STIL: variants seen among roughly 807,000 people sequenced by gnomAD.
STIL encodes SCL-interrupting locus protein.
Under a neutral mutation model 110.1 loss-of-function variants are expected in STIL, and 55 were observed. The observed-to-expected ratio is 0.50, with a 90% CI of 0.40 to 0.63. STIL has a LOEUF of 0.63. Among genes scored for constraint, STIL ranks in the 20% least tolerant of loss-of-function variants. The pLI is 0.00. For missense variants in STIL, 1,358 were observed against 1,530.0 expected, an observed-to-expected ratio of 0.89 and a Z score of 1.87; for synonymous variants, 481 against 530.0, an observed-to-expected ratio of 0.91 and a Z score of 1.27.
At chr1:47,287,267 G>A (rs932857810) in intron 10 of STIL, among the ~76,000 whole-genome samples, 1 of 151,962 alleles carries the variant, frequency 6.6e-6, no homozygotes, top group African/African-American at 2.4e-5. Flanking sequence ...ACAAAACAGG[G>A]AGCAGATTCT....
At chr1:47,256,634 A>T (rs1466284276) in intron 16 of STIL, among the ~76,000 whole-genome samples, 17 of 150,304 alleles carry the variant, frequency 1.1e-4, no homozygotes, top group Non-Finnish European at 1.9e-4. Flanking sequence ...AAAAAAAAAA[A>T]AAAAATCTTG....
At chr1:47,264,696 G>C (rs1249898962) in intron 14 of STIL, among the ~76,000 whole-genome samples, 1 of 152,164 alleles carries the variant, frequency 6.6e-6, no homozygotes, top group East Asian at 1.9e-4. Flanking sequence ...ATACTCAGCA[G>C]TGGGAACCAG....
Position 47,303,421 on chromosome 1 carries a change from C to T in STIL, c.153-1075G>A. ...CTCTACCAAATACAAAAAAATTAGC[C>T]AGGCGTGGTGGCACATGTCTGTAAT... On this transcript the variant is annotated intron_variant, in intron 3 of 16. Transcript: ENST00000371877. 1.3e-5 allele frequency among the ~76,000 whole-genome samples: 2 copies of T among 152,184 alleles called. 1 individual carries two copies. Among genetic ancestry groups the T allele is most frequent in the East Asian group, 3.9e-4 (2 of 5,180 alleles).
chr1:47,293,206 T>C lies in STIL; in HGVS notation c.872+252A>G, dbSNP rs577950694. On this transcript the variant is annotated intron_variant, in intron 8 of 16. Transcript: ENST00000371877. Reference sequence around the variant, plus strand: ...CAGTAGACAATCTCCACAGTTTTTTTCCACCCCCAAAAGGTTTGTGTTCTG... The same window carrying C: ...CAGTAGACAATCTCCACAGTTTTTTCCCACCCCCAAAAGGTTTGTGTTCTG... Among the ~76,000 whole-genome samples, 453 of 152,308 alleles carry C rather than the reference T, an allele frequency of 3.0e-3. 21 individuals carry two copies. In the South Asian group the frequency reaches 0.089, roughly 30 times the overall value.
intron 12 of STIL, among the ~76,000 whole-genome samples, chr1:47,272,448 A>AT (rs60685133): frequency 2.3e-3 from 341 of 146,034 alleles, no homozygotes; most frequent in East Asian, 7.8e-3. Context: ...TAAGTATACT[A>AT]TTTTTTTTTT....
At chr1:47,290,906 T>C (rs1570216943) in intron 8 of STIL, among the ~76,000 whole-genome samples, 1 of 152,238 alleles carries the variant, frequency 6.6e-6, no homozygotes, top group Non-Finnish European at 1.5e-5. Flanking sequence ...CCTTCACTCC[T>C]CTCTAGCTAC....
intron 16 of STIL, among the ~76,000 whole-genome samples, chr1:47,257,425 T>A (rs530124187): frequency 3.3e-5 from 5 of 151,986 alleles, no homozygotes; most frequent in African/African-American, 1.2e-4. Flanking sequence ...AGCCCAGGAG[T>A]TTGAGGTTAC....
At position 47,254,180 on chromosome 1, in the gene STIL, C is replaced by CAAAAAA. The variant is rs59259774; in HGVS notation, c.3081-2264_3081-2259dup. 4.6e-4 allele frequency among the ~76,000 whole-genome samples: 28 copies of CAAAAAA among 61,418 alleles called. 1 individual carries two copies. Among genetic ancestry groups the CAAAAAA allele is most frequent in the African/African-American group, 1.0e-3 (18 of 17,308 alleles). 40.3% of individuals were successfully genotyped at this position (61,418 alleles called of 152,430 possible). A position where few individuals can be genotyped will look rare whatever the true frequency, so the allele number is the denominator to read the frequency against. ...TAGGTGACAGAGTGAGACTCTGTCT[C>CAAAAAA]AAAAAAAAAAAAAAAAAAAAAAAAA... On this transcript the variant is annotated intron_variant, in intron 16 of 16. Coordinates refer to ENST00000371877, the MANE Select transcript of STIL (RefSeq NM_001048166.1).
chr1:47,261,315 A>G (rs1644477905), intron 15 of STIL, among the ~76,000 whole-genome samples: 1 of 150,016 alleles, frequency 6.7e-6, no homozygotes, highest in African/African-American at 2.5e-5. Context: ...TTGAACCCAG[A>G]AGGCCCAGGT....
At chr1:47,285,685 C>T (rs563028081) in intron 10 of STIL, among the ~76,000 whole-genome samples, 6 of 150,208 alleles carry the variant, frequency 4.0e-5, no homozygotes, top group South Asian at 2.1e-4. Flanking sequence ...CTCCAAGTCC[C>T]GAGACTCAGG....
At chr1:47,255,582 C>T (rs180971069) in intron 16 of STIL, among the ~76,000 whole-genome samples, 5 of 148,960 alleles carry the variant, frequency 3.4e-5, no homozygotes, top group Admixed American at 3.3e-4. Flanking sequence ...AACTTTGATT[C>T]ATGATCCTAT....
intron 8 of STIL, among the ~76,000 whole-genome samples, chr1:47,292,653 G>C (rs1056591755): frequency 6.6e-6 from 1 of 152,198 alleles, no homozygotes; most frequent in African/African-American, 2.4e-5. Flanking sequence ...AATTTTTACA[G>C]GCCAGGAAAA....
intron 15 of STIL, among the ~76,000 whole-genome samples, chr1:47,261,206 G>A (rs1344704843): frequency 1.3e-5 from 2 of 151,712 alleles, no homozygotes; most frequent in Non-Finnish European, 2.9e-5. Context: ...TAGCCAACAT[G>A]GTGAAACCCT....
At chr1:47,289,351 A>T in intron 9 of STIL, 84 bp downstream of exon 9, 1 of 1,052,856 alleles carries the variant, frequency 9.5e-7, no homozygotes, top group African/African-American at 1.6e-5. Context: ...TTACTATTTT[A>T]AAGGGTAAAA....
chr1:47,267,919 G>T lies in STIL; in HGVS notation c.2615+1716C>A, dbSNP rs74227933. 5.2e-3 allele frequency among the ~76,000 whole-genome samples: 792 copies of T among 151,942 alleles called. 2 individuals carry two copies. Among genetic ancestry groups the T allele is most frequent in the East Asian group, 0.031 (158 of 5,120 alleles). The stretch of plus-strand genomic sequence containing the variant: ...CCTAGCCTACGATCCTTATTTAATG[G>T]AAAATTTCATAATGAAAAATTTCAA... On this transcript the variant is annotated intron_variant, in intron 14 of 16. Coordinates refer to ENST00000371877, the MANE Select transcript of STIL (RefSeq NM_001048166.1).
In STIL at chr1:47,280,333, T is replaced by G. The variant is rs1645119753; in HGVS notation, c.2125A>C (p.Thr709Pro). Residue 709 changes from threonine to proline, a missense_variant, in exon 12 of 17, where the codon ACT becomes CCT. Thr to Pro is a conservative substitution (Grantham distance 38). Transcript: ENST00000371877. ...PCTVCMHTPK[T>P]ESDNGMMGLS... Reference sequence around the variant, plus strand: ...CCCATCATTCCATTATCTGACTCAGTCTTGGGTGTGTGCATGCACACTGTG... The same window carrying G: ...CCCATCATTCCATTATCTGACTCAGGCTTGGGTGTGTGCATGCACACTGTG... 1.2e-6 allele frequency: 2 copies of G among 1,614,246 alleles called. No homozygotes were observed. The highest frequency in any genetic ancestry group is 1.7e-6 in the Non-Finnish European group (2 of 1,180,040).
intron 8 of STIL, among the ~76,000 whole-genome samples, chr1:47,290,266 A>C (rs1645441568): frequency 6.6e-6 from 1 of 152,226 alleles, no homozygotes. Flanking sequence ...TATGACTAAA[A>C]AACAGTAAGT....
At chr1:47,285,978 G>T (rs1023825625) in intron 10 of STIL, among the ~76,000 whole-genome samples, 1 of 151,798 alleles carries the variant, frequency 6.6e-6, no homozygotes, top group Non-Finnish European at 1.5e-5. Context: ...GGGTTCAAGC[G>T]ATTCTCCCAC....
At position 47,304,769 on chromosome 1, in the gene STIL, A is replaced by C. The variant is rs3122615; in HGVS notation, c.152+120T>G. On this transcript the variant is annotated intron_variant, in intron 3 of 16. Coordinates refer to ENST00000371877, the MANE Select transcript of STIL (RefSeq NM_001048166.1). The stretch of plus-strand genomic sequence containing the variant: ...GAAGGAAAATTTTGCCTGAGGGGAG[A>C]TTCTAAAAGAAAAGTAAAGAAAAAT... 410,784 of 808,412 alleles carry C rather than the reference A, an allele frequency of 0.51. 109,210 individuals are homozygous for C. The highest frequency in any genetic ancestry group is 0.83 in the African/African-American group (48,295 of 57,966). The allele number at this position is 808,412 out of a possible 1,614,324, so 50.1% of individuals were successfully genotyped here.
Sources: allele counts gnomAD v4.1 joint callset (sites outside exome capture counted in the v4.1 genomes callset), GRCh38; gene constraint gnomAD v4.1.1; transcripts MANE v1.5; gene names NCBI Gene and HGNC (gene_info 2026-07-23, HGNC 2026-07-21).